PPP1R12B: variants seen among roughly 807,000 people sequenced by gnomAD.
PPP1R12B encodes myosin phosphatase target subunit 2.
A neutral mutation model predicts 126.1 loss-of-function variants in PPP1R12B; 76 were observed. That is an observed-to-expected ratio of 0.60 (90% CI 0.50 to 0.73). PPP1R12B has a LOEUF of 0.73. Among genes scored for constraint, PPP1R12B ranks in the 30% least tolerant of loss-of-function variants. PPP1R12B has a pLI of 0.00. For missense variants in PPP1R12B, 1,052 were observed against 1,205.1 expected, an observed-to-expected ratio of 0.87 and a Z score of 1.88; for synonymous variants, 356 against 434.7, an observed-to-expected ratio of 0.82 and a Z score of 2.25.
At chr1:202,429,817 A>G (rs1302420536) in intron 6 of PPP1R12B, among the ~76,000 whole-genome samples, 3 of 152,218 alleles carry the variant, frequency 2.0e-5, no homozygotes, top group Non-Finnish European at 4.4e-5. Flanking sequence ...TCAAAGAACT[A>G]TATAGCTCAA....
intron 13 of PPP1R12B, among the ~76,000 whole-genome samples, chr1:202,467,330 C>G (rs867139430): frequency 1.3e-5 from 2 of 151,156 alleles, no homozygotes; most frequent in Non-Finnish European, 1.5e-5. Context: ...CCCATTAATT[C>G]GTCATTTAGC....
chr1:202,439,588 C>G (rs1671343346), intron 10 of PPP1R12B: 2 of 1,182,922 alleles, frequency 1.7e-6, no homozygotes, highest in Non-Finnish European at 2.5e-6. Flanking sequence ...TGGCCGCCAC[C>G]CCCTCTGTAC....
chr1:202,491,231 C>A (rs891205672), intron 14 of PPP1R12B, among the ~76,000 whole-genome samples: 1 of 151,936 alleles, frequency 6.6e-6, no homozygotes, highest in African/African-American at 2.4e-5. Context: ...TCAAGCAATT[C>A]TCCTGCCTCA....
At chr1:202,541,684 G>A (rs1685144364) in intron 18 of PPP1R12B, among the ~76,000 whole-genome samples, 1 of 152,182 alleles carries the variant, frequency 6.6e-6, no homozygotes, top group Non-Finnish European at 1.5e-5. Flanking sequence ...AGCTCCCAGA[G>A]CAATGTGGTG....
intron 13 of PPP1R12B, among the ~76,000 whole-genome samples, chr1:202,460,539 C>T (rs1437214036): frequency 6.7e-6 from 1 of 149,912 alleles, no homozygotes; most frequent in Non-Finnish European, 1.5e-5. Flanking sequence ...AAAAGGTACT[C>T]AAAGAGGTTC....
At chr1:202,504,130 C>T (rs1249700848) in intron 18 of PPP1R12B, among the ~76,000 whole-genome samples, 1 of 152,146 alleles carries the variant, frequency 6.6e-6, no homozygotes, top group Admixed American at 6.5e-5. Flanking sequence ...CGTAGTGGCT[C>T]ACGCGTGTAA....
chr1:202,547,902 A>C (rs1419990215), intron 18 of PPP1R12B, among the ~76,000 whole-genome samples: 1 of 152,252 alleles, frequency 6.6e-6, no homozygotes, highest in Admixed American at 6.5e-5. Context: ...AAAGAGGGAC[A>C]AGAGAGAGAA....
At chr1:202,392,287 T>C (rs1292391741) in intron 1 of PPP1R12B, among the ~76,000 whole-genome samples, 5 of 152,174 alleles carry the variant, frequency 3.3e-5, no homozygotes, top group Admixed American at 6.5e-5. Context: ...TGGAATATTA[T>C]TTAGCCATAA....
rs1486416221 is a variant in PPP1R12B at position 202,488,150 on chromosome 1, C to T, written c.1851-383C>T. 3.3e-5 allele frequency among the ~76,000 whole-genome samples: 5 copies of T among 152,158 alleles called. No homozygotes were observed. The South Asian group carries it at 8.3e-4, about 25-fold the overall frequency. On this transcript the variant is annotated intron_variant, in intron 13 of 23. Transcript: ENST00000608999. ...ATAAGGATTACTTGAACATAAACAC[C>T]GTGATATCACAACAGTGCATGATTT...
intron 5 of PPP1R12B, 154 bp from the exon 6 acceptor site, chr1:202,428,701 A>C (rs1669850948): frequency 1.6e-6 from 1 of 629,750 alleles, no homozygotes. Context: ...GTGATAGATG[A>C]AGGTGTTATC....
chr1:202,460,463 T>A (rs1674172199), intron 13 of PPP1R12B, among the ~76,000 whole-genome samples: 1 of 152,216 alleles, frequency 6.6e-6, no homozygotes, highest in African/African-American at 2.4e-5. Flanking sequence ...CTCTGAGTTA[T>A]GGTTTTTAAA....
In PPP1R12B at chr1:202,454,922, T is replaced by TA. The variant is rs530757361; in HGVS notation, c.1850+5763dup. On this transcript the variant is annotated intron_variant, in intron 13 of 23. Transcript: ENST00000608999. The stretch of plus-strand genomic sequence containing the variant: ...CGACCACAGAGCACAACCCTGTCTC[T>TA]AAAAAAAAAAAAGATTTCCCTTCTC... Among the ~76,000 whole-genome samples, 188 of 141,838 alleles carry TA rather than the reference T, an allele frequency of 1.3e-3. 2 individuals are homozygous for TA. The East Asian group carries it at 0.019, about 14-fold the overall frequency. 93.1% of individuals were successfully genotyped at this position (141,838 alleles called of 152,430 possible).
At chr1:202,411,180 T>A (rs1229240099) in intron 1 of PPP1R12B, among the ~76,000 whole-genome samples, 2 of 151,992 alleles carry the variant, frequency 1.3e-5, no homozygotes, top group African/African-American at 2.4e-5. Context: ...TTAGTCGTTA[T>A]TCACTTGAGA....
At chr1:202,553,655 A>G (rs1459175954) in intron 18 of PPP1R12B, among the ~76,000 whole-genome samples, 1 of 152,214 alleles carries the variant, frequency 6.6e-6, no homozygotes, top group Non-Finnish European at 1.5e-5. Context: ...GCCAGAGCAT[A>G]GATAAGATGA....
rs1196376081 is a variant in PPP1R12B, at chr1:202,449,149, G to A, written c.1828G>A (p.Val610Met). Residue 610 changes from valine to methionine, a missense_variant, in exon 13 of 24, where the codon GTG becomes ATG. By Grantham distance (21) the Val-to-Met change is conservative (BLOSUM62 1). Coordinates refer to ENST00000608999, the MANE Select transcript of PPP1R12B (RefSeq NM_002481.4). Reference sequence around the variant, plus strand: ...CTCCATTACTGGAACAGATTCCTCTGTGGAAGCCAGGGAGAAGAGGAGGTA... The same window carrying A: ...CTCCATTACTGGAACAGATTCCTCTATGGAAGCCAGGGAGAAGAGGAGGTA... The part of the protein sequence containing the change: ...VLSITGTDSS[V>M]EAREKRRSYL... 4 of 1,609,544 alleles carry A rather than the reference G, an allele frequency of 2.5e-6. No individual in the cohort carries two copies. The highest frequency in any genetic ancestry group is 3.4e-6 in the Non-Finnish European group (4 of 1,177,568).
chr1:202,580,657 T>G lies in PPP1R12B; in HGVS notation c.*97T>G. On this transcript the variant is annotated 3_prime_UTR_variant, in exon 24 of 24. Coordinates refer to ENST00000608999, the MANE Select transcript of PPP1R12B (RefSeq NM_002481.4). ...CCTTCCAACCAAAAGAAATGGATGT[T>G]TTGGTGGAAGGACACTTCTTTCTAT... The G allele has an allele frequency of 2.0e-6, 2 of 1,009,944 alleles. No homozygotes were observed. Among genetic ancestry groups the G allele is most frequent in the Non-Finnish European group, 3.1e-6 (2 of 645,682 alleles). 62.6% of individuals were successfully genotyped at this position (1,009,944 alleles called of 1,614,324 possible).
At chr1:202,386,594 C>A (rs1289197018) in intron 1 of PPP1R12B, among the ~76,000 whole-genome samples, 1 of 152,210 alleles carries the variant, frequency 6.6e-6, no homozygotes, top group Non-Finnish European at 1.5e-5. Flanking sequence ...GCTGGGATTA[C>A]AGGCGTGAGC....
intron 18 of PPP1R12B, among the ~76,000 whole-genome samples, chr1:202,555,878 C>CTT (rs1417678339): frequency 1.8e-4 from 26 of 142,222 alleles, no homozygotes; most frequent in African/African-American, 2.6e-4. Flanking sequence ...ATATAATATT[C>CTT]TTTTTTTTTT....
intron 14 of PPP1R12B, 117 bp from the exon 15 acceptor site, chr1:202,492,997 G>C: frequency 9.2e-7 from 1 of 1,090,236 alleles, no homozygotes; most frequent in Non-Finnish European, 1.4e-6. Flanking sequence ...TATGCATTTT[G>C]AGGGGCTTCA....
Sources: allele counts gnomAD v4.1 joint callset (sites outside exome capture counted in the v4.1 genomes callset), GRCh38; gene constraint gnomAD v4.1.1; transcripts MANE v1.5; gene names NCBI Gene and HGNC (gene_info 2026-07-23, HGNC 2026-07-21).